Variants in PTH2R observed in about 807,000 individuals in gnomAD.
The protein encoded by PTH2R is parathyroid hormone 2 receptor.
PTH2R carries 59 observed loss-of-function variants against 60.3 expected under a neutral mutation model. The observed-to-expected ratio is 0.98, with a 90% CI of 0.79 to 1.22. The LOEUF is 1.22. Among genes scored for constraint, PTH2R ranks in the 50% most tolerant of loss-of-function variants. The probability of loss-of-function intolerance (pLI) is 0.00; values close to 1 mark genes in which losing one functional copy is unlikely to be tolerated. For missense variants in PTH2R, 749 were observed against 682.6 expected (o/e 1.10, Z -1.08); for synonymous variants, 256 against 243.8 (o/e 1.05, Z -0.47).
rs143045831 is a variant in PTH2R at position 208,369,453 on chromosome 2, A to G, written c.-259+9216A>G. ...ACAATCTCAGCTCACTGCACCCTCC[A>G]CCTTCCGGTTCAAGCGATTCTCCTG... On this transcript the variant is annotated intron_variant, in intron 1 of 12. Coordinates refer to the PTH2R transcript ENST00000617735. Among the ~76,000 whole-genome samples the G allele has an allele frequency of 8.3e-3, 1,220 of 147,524 alleles. 20 individuals are homozygous for G. Among genetic ancestry groups the G allele is most frequent in the African/African-American group, 0.029 (1,154 of 39,570 alleles).
At chr2:208,407,261 C>T (rs1316138077) in intron 1 of PTH2R, 143 bp downstream of exon 1, 4 of 619,166 alleles carry the variant, frequency 6.5e-6, no homozygotes, top group African/African-American at 1.9e-5. Flanking sequence ...GAGGCGTACC[C>T]GGCAGGTGCT....
intron 1 of PTH2R, among the ~76,000 whole-genome samples, chr2:208,421,872 C>A (rs141454255): frequency 5.3e-5 from 8 of 152,190 alleles, no homozygotes; most frequent in Middle Eastern, 3.4e-3. Flanking sequence ...TCTTATAGAC[C>A]AGCTCAGTTT....
At position 208,444,888 on chromosome 2, in the gene PTH2R, G is replaced by A. The variant is rs766171857; in HGVS notation, c.853+1G>A. On this transcript the variant is annotated splice_donor_variant, in intron 7 of 12. Coordinates refer to ENST00000272847, the MANE Select transcript of PTH2R (RefSeq NM_005048.4). LOFTEE classifies it high-confidence loss of function. ...TGGGGCTTCATCTTGATAGGCTGGG[G>A]TAAGACATTTATATCTCTGTTCCTT... 1.2e-6 allele frequency: 2 copies of A among 1,611,604 alleles called. No homozygotes were observed. The highest frequency in any genetic ancestry group is 1.1e-5 in the South Asian group (1 of 90,724).
In PTH2R at chr2:208,448,378, T is replaced by C. The variant is rs566118100; in HGVS notation, c.854-2371T>C. On this transcript the variant is annotated intron_variant, in intron 7 of 12. Coordinates refer to ENST00000272847, the MANE Select transcript of PTH2R (RefSeq NM_005048.4). ...CTTCACAAAACTTATTTATTTTGTA[T>C]TGACGTGTCTTATGAAAATAACTCC... Among the ~76,000 whole-genome samples the C allele has an allele frequency of 2.0e-5, 3 of 152,232 alleles. No homozygotes were observed. In the South Asian group the frequency reaches 6.2e-4, roughly 32 times the overall value.
intron 1 of PTH2R, among the ~76,000 whole-genome samples, chr2:208,426,627 G>C (rs1474437708): frequency 6.6e-6 from 1 of 152,174 alleles, no homozygotes; most frequent in Non-Finnish European, 1.5e-5. Flanking sequence ...CCCCCATGCT[G>C]TTCTGATAGT....
chr2:208,362,518 ATATATC>A (rs1462961464), intron 1 of PTH2R, among the ~76,000 whole-genome samples: 1 of 152,178 alleles, frequency 6.6e-6, no homozygotes, highest in Non-Finnish European at 1.5e-5. Flanking sequence ...ATCTATATAG[ATATATC>A]TATATCATAG....
chr2:208,399,073 C>T (rs1402897827), intron 1 of PTH2R, among the ~76,000 whole-genome samples: 1 of 152,214 alleles, frequency 6.6e-6, no homozygotes, highest in Non-Finnish European at 1.5e-5. Context: ...GTCTCTTCTT[C>T]ATACCTTATT....
At chr2:208,398,012 A>G (rs1461274616) in intron 1 of PTH2R, among the ~76,000 whole-genome samples, 2 of 152,256 alleles carry the variant, frequency 1.3e-5, no homozygotes, top group Non-Finnish European at 2.9e-5. Flanking sequence ...TAATTTTTTA[A>G]TAACTCCTGT....
chr2:208,486,409 A>G (rs534624563), intron 10 of PTH2R, among the ~76,000 whole-genome samples: 45 of 152,300 alleles, frequency 3.0e-4, no homozygotes, highest in Non-Finnish European at 5.0e-4. Flanking sequence ...TTCTGCATTG[A>G]ACCAAACTGT....
At chr2:208,416,311 A>T (rs1466808292) in intron 1 of PTH2R, among the ~76,000 whole-genome samples, 1 of 152,220 alleles carries the variant, frequency 6.6e-6, no homozygotes, top group Non-Finnish European at 1.5e-5. Flanking sequence ...ATCAATGGTT[A>T]TTTATTGTAT....
At chr2:208,370,442 CAAAAAAAAAAAAAAAA>C (rs71041305) in intron 1 of PTH2R, among the ~76,000 whole-genome samples, 14 of 61,686 alleles carry the variant, frequency 2.3e-4, no homozygotes, top group Admixed American at 5.8e-4. Flanking sequence ...GACTCCGTCT[CAAAAAAAAAAAAAAAA>C]AAAAAAAAAA....
At chr2:208,381,475 T>G (rs1159452286) in intron 1 of PTH2R, among the ~76,000 whole-genome samples, 1 of 152,066 alleles carries the variant, frequency 6.6e-6, no homozygotes, top group Non-Finnish European at 1.5e-5. Flanking sequence ...CAGGCTGGAG[T>G]GCAGTGGCAC....
intron 8 of PTH2R, among the ~76,000 whole-genome samples, chr2:208,451,801 C>T (rs141991670): frequency 1.3e-5 from 2 of 152,230 alleles, no homozygotes; most frequent in African/African-American, 4.8e-5. Context: ...TACAAGAAAA[C>T]AATGCTATAA....
At chr2:208,365,383 T>G (rs931878557) in intron 1 of PTH2R, among the ~76,000 whole-genome samples, 1 of 152,152 alleles carries the variant, frequency 6.6e-6, no homozygotes, top group Non-Finnish European at 1.5e-5. Flanking sequence ...TTTTCTTTTT[T>G]TGTGTGTGAA....
At chr2:208,487,700 T>C (rs1703302678) in intron 10 of PTH2R, among the ~76,000 whole-genome samples, 1 of 152,202 alleles carries the variant, frequency 6.6e-6, no homozygotes, top group Admixed American at 6.5e-5. Flanking sequence ...GCAATTGATT[T>C]GTCAGCTGGG....
At chr2:208,403,833 C>A (rs1453109114), upstream of PTH2R, among the ~76,000 whole-genome samples, 2 of 152,140 alleles carry the variant, frequency 1.3e-5, no homozygotes, top group Admixed American at 6.5e-5. Flanking sequence ...GGATTGAGAC[C>A]TGAGATCTTC....
At chr2:208,455,506 C>G (rs1265330349) in intron 8 of PTH2R, among the ~76,000 whole-genome samples, 1 of 152,306 alleles carries the variant, frequency 6.6e-6, no homozygotes, top group East Asian at 1.9e-4. Context: ...AGAATAAAAT[C>G]TTGAATTCTA....
chr2:208,447,424 T>G (rs1702308800), intron 7 of PTH2R, among the ~76,000 whole-genome samples: 1 of 151,724 alleles, frequency 6.6e-6, no homozygotes, highest in African/African-American at 2.4e-5. Context: ...CTGCCTCTAC[T>G]AAAAATACAA....
chr2:208,477,953 C>CACTACTACTAGTACTAGCACTACTAGT (rs1703052381), intron 9 of PTH2R, among the ~76,000 whole-genome samples: 1 of 29,828 alleles, frequency 3.4e-5, no homozygotes, highest in African/African-American at 6.1e-5. Flanking sequence ...GTAGTACTAG[C>CACTACTACTAGTACTAGCACTACTAGT]ACTACTACTA....
Sources: allele counts gnomAD v4.1 joint callset (sites outside exome capture counted in the v4.1 genomes callset), GRCh38; gene constraint gnomAD v4.1.1; transcripts MANE v1.5; gene names NCBI Gene and HGNC (gene_info 2026-07-23, HGNC 2026-07-21).